IL20RA: variants seen among roughly 807,000 people sequenced by gnomAD.
The protein encoded by IL20RA is interleukin-20 receptor subunit alpha.
Under a neutral mutation model 36.5 loss-of-function variants are expected in IL20RA, and 29 were observed. That is an observed-to-expected ratio of 0.79 (90% CI 0.59 to 1.08). IL20RA has a LOEUF of 1.08. IL20RA is among the 50% of genes least tolerant of loss of function. The probability of loss-of-function intolerance (pLI) is 0.00; values close to 1 mark genes in which losing one functional copy is unlikely to be tolerated. For synonymous variants in IL20RA, 279 were observed against 267.1 expected (o/e 1.04, Z -0.43); for missense variants, 652 against 668.4 (o/e 0.98, Z 0.27).
chr6:137,024,618 G>A (rs1385083679), intron 1 of IL20RA, among the ~76,000 whole-genome samples: 2 of 152,168 alleles, frequency 1.3e-5, no homozygotes, highest in East Asian at 1.9e-4. Context: ...CAAATGCACC[G>A]TGTTCACCAG....
chr6:137,041,921 GT>G (rs1295077760), intron 1 of IL20RA, among the ~76,000 whole-genome samples: 1 of 151,968 alleles, frequency 6.6e-6, no homozygotes, highest in Non-Finnish European at 1.5e-5. Flanking sequence ...TCATCAATCT[GT>G]CATCTACATT....
At chr6:137,021,059 TA>T (rs1257093035) in intron 1 of IL20RA, among the ~76,000 whole-genome samples, 11 of 133,304 alleles carry the variant, frequency 8.3e-5, no homozygotes, top group Admixed American at 2.3e-4. Context: ...TTTTTTTTTT[TA>T]AATCAGAACA....
chr6:137,023,150 A>C (rs1333805063), intron 1 of IL20RA, among the ~76,000 whole-genome samples: 1 of 152,138 alleles, frequency 6.6e-6, no homozygotes, highest in Non-Finnish European at 1.5e-5. Flanking sequence ...TAAAAAACAA[A>C]AACAAATATA....
chr6:137,014,071 C>T (rs1049214557), intron 2 of IL20RA, among the ~76,000 whole-genome samples: 5 of 152,172 alleles, frequency 3.3e-5, no homozygotes, highest in South Asian at 2.1e-4. Flanking sequence ...GACATGCTCA[C>T]GAGCCTTTTC....
intron 1 of IL20RA, among the ~76,000 whole-genome samples, chr6:137,034,804 G>C (rs1006570985): frequency 6.6e-6 from 1 of 152,074 alleles, no homozygotes; most frequent in Non-Finnish European, 1.5e-5. Context: ...AATGAGCCGG[G>C]CGTGGTGGCG....
At chr6:137,034,539 C>T (rs978133274) in intron 1 of IL20RA, among the ~76,000 whole-genome samples, 3 of 152,160 alleles carry the variant, frequency 2.0e-5, no homozygotes, top group African/African-American at 7.2e-5. Flanking sequence ...CATGCATTAG[C>T]TATTTATCCT....
intron 1 of IL20RA, among the ~76,000 whole-genome samples, chr6:137,028,414 TAAAAA>T (rs36068116): frequency 8.5e-6 from 1 of 117,282 alleles, no homozygotes. Flanking sequence ...AGACTCCATC[TAAAAA>T]AAAAAAAAAA....
intron 5 of IL20RA, among the ~76,000 whole-genome samples, chr6:137,005,822 T>C (rs1775257935): frequency 6.6e-6 from 1 of 152,172 alleles, no homozygotes; most frequent in Non-Finnish European, 1.5e-5. Context: ...GGAGTCTACC[T>C]TTGGGTGCGA....
intron 1 of IL20RA, among the ~76,000 whole-genome samples, chr6:137,023,702 A>T (rs1775989242): frequency 6.6e-6 from 1 of 152,220 alleles, no homozygotes; most frequent in African/African-American, 2.4e-5. Context: ...TCCCATCAGG[A>T]AGAGAGTGGC....
At chr6:137,002,807 T>C (rs980275489) in intron 6 of IL20RA, among the ~76,000 whole-genome samples, 11 of 152,238 alleles carry the variant, frequency 7.2e-5, no homozygotes, top group African/African-American at 2.4e-4. Context: ...CTGCCCTGTT[T>C]TTGGATATAC....
intron 1 of IL20RA, among the ~76,000 whole-genome samples, chr6:137,029,499 T>C (rs1371856942): frequency 6.6e-6 from 1 of 151,000 alleles, no homozygotes; most frequent in East Asian, 1.9e-4. Context: ...AGAGTGAGAC[T>C]GTGTCTCTAA....
At position 137,001,412 on chromosome 6, in the gene IL20RA, T is replaced by G; in HGVS notation, c.*146A>C. 1.4e-6 allele frequency: 1 copy of G among 725,460 alleles called. No individual in the cohort carries two copies. The highest frequency in any genetic ancestry group is 2.3e-6 in the Non-Finnish European group (1 of 439,672). 44.9% of individuals were successfully genotyped at this position (725,460 alleles called of 1,614,324 possible). On this transcript the variant is annotated 3_prime_UTR_variant, in exon 7 of 7. Coordinates refer to ENST00000316649, the MANE Select transcript of IL20RA (RefSeq NM_014432.4). Reference sequence around the variant, plus strand: ...GCATGAACCAATCACACACGTGCTATGAGAATAGAGAAAAGAAATAAGTAA... The same window carrying G: ...GCATGAACCAATCACACACGTGCTAGGAGAATAGAGAAAAGAAATAAGTAA...
chr6:137,011,399 G>C lies in IL20RA; in HGVS notation c.278C>G (p.Thr93Ser), dbSNP rs1775493299. 6 of 1,613,564 alleles carry C rather than the reference G, an allele frequency of 3.7e-6. No individual in the cohort carries two copies. The highest frequency in any genetic ancestry group is 4.2e-6 in the Non-Finnish European group (5 of 1,179,590). The part of the protein sequence containing the change: ...NKSECRNINR[T>S]YCDLSAETSD... ...AGTTTCAGCAGAAAGATCACAGTAG[G>C]TTCTATTGATATTTCTGCATTCTGA... is the stretch of plus-strand genomic sequence containing the variant. The change falls in exon 3 of 7, where the codon ACC becomes AGC. Residue 93 changes from threonine to serine, a missense_variant. Thr to Ser is a moderately conservative substitution (Grantham distance 58). Coordinates refer to ENST00000316649, the MANE Select transcript of IL20RA (RefSeq NM_014432.4).
intron 1 of IL20RA, among the ~76,000 whole-genome samples, chr6:137,040,485 C>A (rs1776651387): frequency 6.6e-6 from 1 of 151,946 alleles, no homozygotes; most frequent in Non-Finnish European, 1.5e-5. Context: ...AGGCCTGGGG[C>A]AGGGAAAACA....
At chr6:137,029,539 G>A (rs1213845293) in intron 1 of IL20RA, among the ~76,000 whole-genome samples, 1 of 151,424 alleles carries the variant, frequency 6.6e-6, no homozygotes, top group Non-Finnish European at 1.5e-5. Context: ...AACTTTTTGA[G>A]AGTGAGTACC....
At chr6:137,025,858 G>A (rs73778307) in intron 1 of IL20RA, among the ~76,000 whole-genome samples, 1,706 of 152,294 alleles carry the variant, frequency 0.011, 37 homozygotes, top group African/African-American at 0.038. Context: ...AAAAGCCTAC[G>A]CATACGTGAG....
chr6:137,027,248 G>A (rs1776123815), intron 1 of IL20RA, among the ~76,000 whole-genome samples: 1 of 152,152 alleles, frequency 6.6e-6, no homozygotes, highest in African/African-American at 2.4e-5. Flanking sequence ...GAAAAAAGCT[G>A]CACAACTGTC....
chr6:137,002,951 C>T (rs1775133094), intron 6 of IL20RA, among the ~76,000 whole-genome samples: 1 of 152,128 alleles, frequency 6.6e-6, no homozygotes, highest in Admixed American at 6.6e-5. Flanking sequence ...TGCCAGTTTA[C>T]GGTAGACAGA....
At chr6:137,020,667 A>C (rs1325332056) in intron 1 of IL20RA, among the ~76,000 whole-genome samples, 3 of 152,238 alleles carry the variant, frequency 2.0e-5, no homozygotes, top group Non-Finnish European at 4.4e-5. Flanking sequence ...ATCACAGTAA[A>C]AACTTTTTGA....
Sources: gnomAD v4.1 joint callset for allele counts (sites outside exome capture counted in the v4.1 genomes callset) on GRCh38, gnomAD v4.1.1 for gene constraint, MANE v1.5 for transcripts, NCBI Gene and HGNC (gene_info 2026-07-23, HGNC 2026-07-21) for gene names.